IMPA1: variants seen among roughly 807,000 people sequenced by gnomAD.
The protein encoded by IMPA1 is inositol monophosphatase 1.
IMPA1 carries 21 observed loss-of-function variants against 34.9 expected under a neutral mutation model. The observed-to-expected ratio is 0.60, with a 90% CI of 0.43 to 0.87. The LOEUF (loss-of-function observed/expected upper bound fraction) is 0.87. Ranked by LOEUF, IMPA1 falls within the 40% of genes least tolerant of loss-of-function variation. IMPA1 has a pLI of 0.00. For synonymous variants in IMPA1, 95 were observed against 104.4 expected, an observed-to-expected ratio of 0.91 and a Z score of 0.55; for missense variants, 299 against 336.4, an observed-to-expected ratio of 0.89 and a Z score of 0.87.
Position 81,658,002 on chromosome 8 carries a change from C to A in IMPA1, c.*1349G>T, listed in dbSNP as rs1215223095. On this transcript the variant is annotated 3_prime_UTR_variant, in exon 9 of 9. Transcript: ENST00000256108. Reference sequence around the variant, plus strand: ...CGTCTTATTAAAATAAATTTAATTGCAAAAACAACCTGTCTTAGAATACAG... The same window carrying A: ...CGTCTTATTAAAATAAATTTAATTGAAAAAACAACCTGTCTTAGAATACAG... 1 of 152,076 alleles carries A rather than the reference C, an allele frequency of 6.6e-6. No individual in the cohort carries two copies. The highest frequency in any genetic ancestry group is 1.5e-5 in the Non-Finnish European group (1 of 67,994). 9.4% of individuals were successfully genotyped at this position (152,076 alleles called of 1,614,324 possible). A position where few individuals can be genotyped will look rare whatever the true frequency, so the allele number is the denominator to read the frequency against.
At chr8:81,684,365 ATATT>A (rs1166814100) in intron 1 of IMPA1, among the ~76,000 whole-genome samples, 2 of 144,300 alleles carry the variant, frequency 1.4e-5, no homozygotes, top group African/African-American at 2.5e-5. Flanking sequence ...ATACATAAGT[ATATT>A]TAGATACTAT....
chr8:81,682,395 T>C (rs190229692), intron 1 of IMPA1, among the ~76,000 whole-genome samples: 16 of 152,158 alleles, frequency 1.1e-4, no homozygotes, highest in East Asian at 7.7e-4. Context: ...TCCTTTCCAA[T>C]AGAAAATAAT....
At chr8:81,675,184 C>A (rs115548051) in intron 5 of IMPA1, among the ~76,000 whole-genome samples, 1 of 152,100 alleles carries the variant, frequency 6.6e-6, no homozygotes, top group Non-Finnish European at 1.5e-5. Context: ...ATTCCCCACA[C>A]GTATAATGGT....
intron 4 of IMPA1, 62 bp downstream of exon 4, chr8:81,679,060 AGAGT>A: frequency 1.0e-6 from 1 of 972,424 alleles, no homozygotes; most frequent in Non-Finnish European, 1.6e-6. Flanking sequence ...GTTCCTAAAT[AGAGT>A]ATCTATAGGT....
At chr8:81,674,047 C>A in intron 5 of IMPA1, 98 bp from the exon 6 acceptor site, 1 of 708,988 alleles carries the variant, frequency 1.4e-6, no homozygotes, top group Non-Finnish European at 2.5e-6. Context: ...TGACTAGTAA[C>A]AATGGACTGA....
chr8:81,676,340 T>C (rs1807129187), intron 4 of IMPA1, 61 bp from the exon 5 acceptor site: 2 of 828,976 alleles, frequency 2.4e-6, no homozygotes, highest in Admixed American at 3.1e-5. Flanking sequence ...GTTAATAAAA[T>C]TAATCTTTTC....
Position 81,680,669 on chromosome 8 carries a change from C to G in IMPA1, c.178G>C (p.Glu60Gln), listed in dbSNP as rs1807273020. 1 of 1,610,338 alleles carries G rather than the reference C, an allele frequency of 6.2e-7. No homozygotes were observed. Among genetic ancestry groups the G allele is most frequent in the East Asian group, 2.2e-5 (1 of 44,832 alleles). ...VEKMLISSIK[E>Q]KYPSHSFIGE... ...AAATACCTGTGAGATGGATACTTTTCCTTTATGGAAGAGATAAGCATTTTT... is the reference window on the plus strand; with the variant it reads ...AAATACCTGTGAGATGGATACTTTTGCTTTATGGAAGAGATAAGCATTTTT... Residue 60 changes from glutamate to glutamine, a missense_variant, in exon 3 of 9, where the codon GAA (glutamate) becomes CAA (glutamine). Glu to Gln is a conservative substitution (Grantham distance 29). Transcript: ENST00000256108.
At chr8:81,668,728 A>G (rs554097746) in intron 7 of IMPA1, among the ~76,000 whole-genome samples, 15 of 152,198 alleles carry the variant, frequency 9.9e-5, no homozygotes, top group African/African-American at 3.4e-4. Flanking sequence ...ACCATTTGCT[A>G]AATAGATTAG....
intron 7 of IMPA1, among the ~76,000 whole-genome samples, chr8:81,669,690 C>T (rs890126802): frequency 6.6e-6 from 1 of 152,096 alleles, no homozygotes; most frequent in Non-Finnish European, 1.5e-5. Flanking sequence ...CAAGTGAAGA[C>T]TTTGGGACCC....
At chr8:81,679,469 C>T (rs976515643) in intron 3 of IMPA1, among the ~76,000 whole-genome samples, 16 of 151,876 alleles carry the variant, frequency 1.1e-4, no homozygotes, top group East Asian at 9.7e-4. Flanking sequence ...AAAAATTAGC[C>T]GGGCATGGTG....
intron 7 of IMPA1, among the ~76,000 whole-genome samples, chr8:81,667,277 G>C (rs879706402): frequency 1.3e-5 from 2 of 152,138 alleles, no homozygotes; most frequent in Non-Finnish European, 2.9e-5. Flanking sequence ...GTTTCAGAAA[G>C]TAGAACTGTT....
Position 81,660,678 on chromosome 8 carries a change from G to T in IMPA1, c.567-11C>A, listed in dbSNP as rs762978480. 1 of 1,581,544 alleles carries T rather than the reference G, an allele frequency of 6.3e-7. No individual in the cohort carries two copies. The highest frequency in any genetic ancestry group is 1.8e-5 in the Admixed American group (1 of 56,046). On this transcript the variant is annotated splice_polypyrimidine_tract_variant and intron_variant, in intron 7 of 8. Transcript: ENST00000256108. ...CCAACACTCCGGATCCTAACAAATA[G>T]AATTTAGAAATAAAATTGGAAAAAA...
At chr8:81,682,267 T>C (rs752309703) in intron 1 of IMPA1, among the ~76,000 whole-genome samples, 2 of 152,316 alleles carry the variant, frequency 1.3e-5, no homozygotes, top group East Asian at 1.9e-4. Flanking sequence ...TTCTGAAGAC[T>C]AAAATAACTC....
intron 7 of IMPA1, among the ~76,000 whole-genome samples, chr8:81,662,726 G>A (rs930661622): frequency 2.0e-5 from 3 of 152,176 alleles, no homozygotes; most frequent in Non-Finnish European, 4.4e-5. Context: ...GCTAATATTT[G>A]TAAAGCACCT....
chr8:81,680,949 G>A (rs1177102413), intron 2 of IMPA1, among the ~76,000 whole-genome samples, 166 bp from the exon 3 acceptor site: 3 of 151,928 alleles, frequency 2.0e-5, no homozygotes, highest in South Asian at 2.1e-4. Context: ...TAATAGTTAC[G>A]TCTTTCTAAA....
chr8:81,676,476 T>C (rs548005124), intron 4 of IMPA1, among the ~76,000 whole-genome samples, 197 bp from the exon 5 acceptor site: 2 of 152,162 alleles, frequency 1.3e-5, no homozygotes, highest in South Asian at 4.1e-4. Flanking sequence ...GGAGGTATTA[T>C]ACACACACAC....
rs1394124283 is a variant in IMPA1 at position 81,657,183 on chromosome 8, T to C, written c.*2168A>G. ...GAATAAACAGATGGAAAAGCTATTGTAGAAAAAAATATAGGTTTTTAGAAA... is the reference window on the plus strand; with the variant it reads ...GAATAAACAGATGGAAAAGCTATTGCAGAAAAAAATATAGGTTTTTAGAAA... On this transcript the variant is annotated 3_prime_UTR_variant, in exon 9 of 9. Transcript: ENST00000256108. Among the ~76,000 whole-genome samples, 1 of 152,142 alleles carries C rather than the reference T, an allele frequency of 6.6e-6. No individual in the cohort carries two copies. Among genetic ancestry groups the C allele is most frequent in the African/African-American group, 2.4e-5 (1 of 41,432 alleles).
intron 7 of IMPA1, among the ~76,000 whole-genome samples, chr8:81,661,044 C>T (rs556004672): frequency 7.2e-5 from 11 of 152,168 alleles, no homozygotes; most frequent in Admixed American, 4.6e-4. Flanking sequence ...TGCAAATAGT[C>T]TCTAGGAGGT....
intron 5 of IMPA1, among the ~76,000 whole-genome samples, chr8:81,675,828 G>T (rs954690097): frequency 6.6e-6 from 1 of 152,148 alleles, no homozygotes; most frequent in Admixed American, 6.5e-5. Context: ...TTCCAACCAT[G>T]CTTTGGCCCC....
Sources: gnomAD v4.1 joint callset for allele counts (sites outside exome capture counted in the v4.1 genomes callset) on GRCh38, gnomAD v4.1.1 for gene constraint, MANE v1.5 for transcripts, NCBI Gene and HGNC (gene_info 2026-07-23, HGNC 2026-07-21) for gene names.